Variants in MIA2 observed in about 807,000 individuals in gnomAD.
The protein encoded by MIA2 is melanoma inhibitory activity protein 2.
A neutral mutation model predicts 167.8 loss-of-function variants in MIA2; 127 were observed. The ratio of observed to expected loss-of-function variants is 0.76; its 90% CI spans 0.66 to 0.88. The LOEUF (loss-of-function observed/expected upper bound fraction) is 0.88. Ranked by LOEUF, MIA2 falls within the 40% of genes least tolerant of loss-of-function variation. MIA2 has a pLI of 0.00. For missense variants in MIA2, 1,690 were observed against 1,624.7 expected (o/e 1.04, Z -0.69); for synonymous variants, 552 against 541.9 (o/e 1.02, Z -0.26).
chr14:39,387,443 T>C (rs1415348119), exon 24 of MIA2: 1 of 152,486 alleles, frequency 6.6e-6, no homozygotes, highest in Non-Finnish European at 1.5e-5. Context: ...GAATCAGAAG[T>C]GGAGCCTGAC....
chr14:39,240,737 C>T (rs2054000322), intron 3 of MIA2, 90 bp downstream of exon 3: 1 of 791,950 alleles, frequency 1.3e-6, no homozygotes, highest in Non-Finnish European at 2.1e-6. Flanking sequence ...TGGTTATGTA[C>T]CTTTTATAGT....
chr14:39,304,231 ATTTTTATTTTTTT>A, intron 16 of MIA2, 47 bp from the exon 17 acceptor site: 1 of 736,472 alleles, frequency 1.4e-6, no homozygotes, highest in Non-Finnish European at 2.1e-6. Context: ...TTTATTTTTT[ATTTTTATTTTTTT>A]GTATAACTGA....
In MIA2 at chr14:39,386,948, A is replaced by G. The variant is rs1244504199; in HGVS notation, c.2312A>G (p.Lys771Arg). The change falls in exon 24 of 24, where the codon AAA (lysine) becomes AGA (arginine). Residue 771 changes from lysine to arginine, a missense_variant. Lys to Arg is a conservative substitution (Grantham distance 26, BLOSUM62 2). Coordinates refer to the MIA2 transcript ENST00000341502. The stretch of plus-strand genomic sequence containing the variant: ...GGTAGGGGCCTAGGAGGGCCCCAGA[A>G]ATGAAGCCGAAGCATTGGCGGATGA... 7.7e-6 allele frequency: 6 copies of G among 778,948 alleles called. No individual in the cohort carries two copies. In the South Asian group the frequency reaches 8.8e-5, roughly 11 times the overall value. 48.3% of individuals were successfully genotyped at this position (778,948 alleles called of 1,614,324 possible).
intron 6 of MIA2, among the ~76,000 whole-genome samples, chr14:39,273,062 C>T (rs1434215763): frequency 6.6e-6 from 1 of 151,996 alleles, no homozygotes; most frequent in Non-Finnish European, 1.5e-5. Context: ...TTAGGATTTT[C>T]TCTGTGTATA....
At position 39,275,892 on chromosome 14, in the gene MIA2, A is replaced by G. The variant is rs896456668; in HGVS notation, c.1888-1042A>G. Among the ~76,000 whole-genome samples the G allele has an allele frequency of 1.1e-4, 17 of 152,312 alleles. No individual in the cohort carries two copies. The East Asian group carries it at 3.3e-3, about 29-fold the overall frequency. The stretch of plus-strand genomic sequence containing the variant: ...CAGGTTTGTTTGGTACAGGTTATGA[A>G]GTATAGATAGTACCTTGGAAGGAGT... On this transcript the variant is annotated intron_variant, in intron 6 of 28. Coordinates refer to ENST00000640607, the MANE Select transcript of MIA2 (RefSeq NM_001329214.4).
chr14:39,313,959 G>T (rs145867146), intron 19 of MIA2, among the ~76,000 whole-genome samples: 7 of 152,208 alleles, frequency 4.6e-5, no homozygotes, highest in Admixed American at 3.3e-4. Flanking sequence ...CCAAATAGTT[G>T]TGATACTTCA....
chr14:39,356,570 T>C (rs1260424345), intron 23 of MIA2, among the ~76,000 whole-genome samples: 1 of 152,216 alleles, frequency 6.6e-6, no homozygotes, highest in East Asian at 1.9e-4. Flanking sequence ...TCTGCTCTGA[T>C]ATTACTTATT....
intron 13 of MIA2, among the ~76,000 whole-genome samples, chr14:39,296,372 T>C (rs2061420948): frequency 6.6e-6 from 1 of 152,238 alleles, no homozygotes; most frequent in African/African-American, 2.4e-5. Context: ...GTCTTGACTT[T>C]CCAATATTGC....
chr14:39,343,275 G>C (rs2072435401), intron 25 of MIA2, among the ~76,000 whole-genome samples: 1 of 152,168 alleles, frequency 6.6e-6, no homozygotes, highest in Non-Finnish European at 1.5e-5. Flanking sequence ...CTCCCGAGTA[G>C]CTGGGATCGC....
At chr14:39,315,369 C>T in intron 20 of MIA2, 1 of 217,492 alleles carries the variant, frequency 4.6e-6, no homozygotes, top group Non-Finnish European at 8.9e-6. Flanking sequence ...AGGTAGATTG[C>T]ATCACATAAA....
intron 23 of MIA2, among the ~76,000 whole-genome samples, chr14:39,383,570 A>G (rs2075211856): frequency 1.3e-5 from 2 of 152,312 alleles, no homozygotes; most frequent in South Asian, 4.1e-4. Context: ...CTCACTTCAA[A>G]TCAAAAGCTA....
rs2054370313 is a variant in MIA2, at chr14:39,247,623, A to C, written c.1049A>C (p.Glu350Ala). 6.2e-7 allele frequency: 1 copy of C among 1,613,872 alleles called. No individual in the cohort carries two copies. Among genetic ancestry groups the C allele is most frequent in the Non-Finnish European group, 8.5e-7 (1 of 1,179,974 alleles). The change falls in exon 4 of 29, where the codon GAA becomes GCA. Residue 350 changes from glutamate (E) to alanine (A), a missense_variant. Transcript: ENST00000640607. ...CCCAATTCCATATCATCTGATAAAGAAGCCACAGTTCCATGTACAGAAATA... is the reference window on the plus strand; with the variant it reads ...CCCAATTCCATATCATCTGATAAAGCAGCCACAGTTCCATGTACAGAAATA... The part of the protein sequence containing the change: ...DFPNSISSDK[E>A]ATVPCTEILT...
At position 39,247,185 on chromosome 14, in the gene MIA2, T is replaced by A; in HGVS notation, c.611T>A (p.Met204Lys). The A allele has an allele frequency of 6.2e-7, 1 of 1,614,164 alleles. No individual in the cohort carries two copies. The highest frequency in any genetic ancestry group is 1.1e-5 in the South Asian group (1 of 91,084). Reference protein sequence around the residue: ...KDWEEVVVESMEQDRIPEVHV... With the variant: ...KDWEEVVVESKEQDRIPEVHV... ...TGGGAAGAAGTAGTTGTTGAAAGTA[T>A]GGAACAGGATCGTATTCCAGAAGTG... The change falls in exon 4 of 29, where the codon ATG becomes AAG. Residue 204 changes from methionine (M) to lysine (K), a missense_variant. By Grantham distance (95) the Met-to-Lys change is moderately conservative (BLOSUM62 -1). Coordinates refer to ENST00000640607, the MANE Select transcript of MIA2 (RefSeq NM_001329214.4).
intron 23 of MIA2, among the ~76,000 whole-genome samples, chr14:39,380,513 TGAAA>T: frequency 6.6e-6 from 1 of 151,778 alleles, no homozygotes; most frequent in Middle Eastern, 3.2e-3. Context: ...GCCAACATGG[TGAAA>T]CCCTATCTCT....
intron 3 of MIA2, among the ~76,000 whole-genome samples, chr14:39,243,580 AC>A (rs942854591): frequency 2.0e-5 from 3 of 152,186 alleles, no homozygotes; most frequent in African/African-American, 7.2e-5. Context: ...AGAATGAAGA[AC>A]CAGGCTGGGG....
At chr14:39,352,813 A>G (rs1276602088), downstream of MIA2, among the ~76,000 whole-genome samples, 3 of 152,230 alleles carry the variant, frequency 2.0e-5, no homozygotes, top group Admixed American at 1.3e-4. Flanking sequence ...GTATGCATGT[A>G]GAATCACTAA....
At chr14:39,267,218 T>TCG in intron 6 of MIA2, 1 of 1,347,160 alleles carries the variant, frequency 7.4e-7, no homozygotes, top group Non-Finnish European at 9.5e-7. Flanking sequence ...CGGGTCGGGC[T>TCG]CGGACCTGCG....
At position 39,345,986 on chromosome 14, in the gene MIA2, A is replaced by G. The variant is rs1430929675; in HGVS notation, c.3738A>G (p.Ala1246=). 1.7e-5 allele frequency: 28 copies of G among 1,612,202 alleles called. No individual in the cohort carries two copies. Among genetic ancestry groups the G allele is most frequent in the Non-Finnish European group, 2.3e-5 (27 of 1,178,578 alleles). ...ATTCTGGTAGACTGTCTGGACCAGCAGAACTCAGAAGTTTTAATATGCCTT... is the reference window on the plus strand; with the variant it reads ...ATTCTGGTAGACTGTCTGGACCAGCGGAACTCAGAAGTTTTAATATGCCTT... ...CSNSGRLSGP[A]ELRSFNMPSL... Residue 1246 remains alanine, a synonymous_variant, in exon 26 of 29, where the codon GCA becomes GCG. Coordinates refer to ENST00000640607, the MANE Select transcript of MIA2 (RefSeq NM_001329214.4).
intron 6 of MIA2, among the ~76,000 whole-genome samples, chr14:39,261,726 T>G (rs1405090247): frequency 6.6e-6 from 1 of 152,206 alleles, no homozygotes; most frequent in African/African-American, 2.4e-5. Context: ...TGATTTGCAT[T>G]TCTCTGATGG....
Sources: allele counts gnomAD v4.1 joint callset (sites outside exome capture counted in the v4.1 genomes callset), GRCh38; gene constraint gnomAD v4.1.1; transcripts MANE v1.5; gene names NCBI Gene and HGNC (gene_info 2026-07-23, HGNC 2026-07-21).